Variants in TENM3 observed in about 807,000 individuals in gnomAD.
TENM3 encodes teneurin-3.
Under a neutral mutation model 255.1 loss-of-function variants are expected in TENM3, and 63 were observed. The ratio of observed to expected loss-of-function variants is 0.25; its 90% CI spans 0.20 to 0.30. The LOEUF is 0.30. TENM3 is among the 10% of genes least tolerant of loss of function. TENM3 has a pLI of 1.00. For missense variants in TENM3, 2,929 were observed against 3,461.1 expected, an observed-to-expected ratio of 0.85 and a Z score of 3.86; for synonymous variants, 1,306 against 1,322.3, an observed-to-expected ratio of 0.99 and a Z score of 0.27.
the TENM3 span, among the ~76,000 whole-genome samples, chr4:181,902,113 GCATA>G: frequency 5.4e-5 from 1 of 18,526 alleles, no homozygotes; most frequent in Non-Finnish European, 1.2e-4. Context: ...GTGCATGTGA[GCATA>G]CACACACACA....
intron 24 of TENM3, among the ~76,000 whole-genome samples, chr4:182,779,350 T>A (rs2152807096): frequency 6.6e-6 from 1 of 152,244 alleles, no homozygotes; most frequent in Admixed American, 6.5e-5. Context: ...AGAATGATGT[T>A]TTCCAATTTC....
At chr4:181,775,655 A>T in the TENM3 span, among the ~76,000 whole-genome samples, 1 of 152,338 alleles carries the variant, frequency 6.6e-6, no homozygotes, top group South Asian at 2.1e-4. Context: ...CCATAAGCAG[A>T]TGCTGAACCA....
intron 1 of TENM3, among the ~76,000 whole-genome samples, chr4:182,194,777 T>A (rs1212848586): frequency 6.6e-6 from 1 of 152,208 alleles, no homozygotes; most frequent in Non-Finnish European, 1.5e-5. Flanking sequence ...CTCACGGTCT[T>A]CCGTGTTATT....
intron 1 of TENM3, among the ~76,000 whole-genome samples, chr4:182,320,525 C>G (rs1272144484): frequency 6.6e-6 from 1 of 152,182 alleles, no homozygotes; most frequent in Non-Finnish European, 1.5e-5. Flanking sequence ...TCCTGTCTCT[C>G]ATAAAGACAC....
At chr4:182,186,986 A>C (rs544275672) in intron 1 of TENM3, among the ~76,000 whole-genome samples, 1 of 150,760 alleles carries the variant, frequency 6.6e-6, no homozygotes, top group African/African-American at 2.4e-5. Context: ...TTTTTTTAAT[A>C]GTGAAGTGAT....
At chr4:182,688,403 C>A (rs775590321) in intron 12 of TENM3, 52 bp downstream of exon 12, 24 of 1,356,958 alleles carry the variant, frequency 1.8e-5, no homozygotes, top group Non-Finnish European at 2.2e-5. Flanking sequence ...AGAAGAGCAC[C>A]GACGGTCAGC....
chr4:182,793,951 C>T lies in TENM3; in HGVS notation c.7213+66C>T. 4 of 1,398,512 alleles carry T rather than the reference C, an allele frequency of 2.9e-6. No homozygotes were observed. The highest frequency in any genetic ancestry group is 3.8e-6 in the Non-Finnish European group (4 of 1,041,210). The allele number at this position is 1,398,512 out of a possible 1,614,324, so 86.6% of individuals were successfully genotyped here. On this transcript the variant is annotated intron_variant, in intron 26 of 27. Coordinates refer to ENST00000511685, the MANE Select transcript of TENM3 (RefSeq NM_001080477.4). The surrounding 1 kb of genome is among the most constrained non-coding windows in gnomAD (Gnocchi z 5.7). The stretch of plus-strand genomic sequence containing the variant: ...ATCATTAGATTAATACACAAAATAA[C>T]TGGAAATGCTTTTTTAAAAAACTTT...
intron 3 of TENM3, among the ~76,000 whole-genome samples, chr4:182,384,362 C>A (rs1195910193): frequency 1.4e-5 from 2 of 147,650 alleles, no homozygotes; most frequent in African/African-American, 5.0e-5. Context: ...AGTACCATTA[C>A]TTTGAAAGAA....
chr4:181,986,577 C>T, the TENM3 span, among the ~76,000 whole-genome samples: 1 of 152,076 alleles, frequency 6.6e-6, no homozygotes, highest in Non-Finnish European at 1.5e-5. Context: ...ATTTTCTAAA[C>T]TTCCACTGCT....
At chr4:182,307,677 T>G (rs898177539) in intron 1 of TENM3, among the ~76,000 whole-genome samples, 2 of 152,122 alleles carry the variant, frequency 1.3e-5, no homozygotes, top group Admixed American at 1.3e-4. Context: ...TTAGATCATA[T>G]TTTCTCAACA....
At chr4:181,474,748 A>AC in the TENM3 span, among the ~76,000 whole-genome samples, 2 of 151,784 alleles carry the variant, frequency 1.3e-5, no homozygotes, top group Admixed American at 6.6e-5. Flanking sequence ...ACAAAAAAAA[A>AC]AAAAACAAAG....
chr4:181,628,259 A>G, the TENM3 span, among the ~76,000 whole-genome samples: 1 of 152,094 alleles, frequency 6.6e-6, no homozygotes, highest in Non-Finnish European at 1.5e-5. Context: ...GTAGATCGCA[A>G]ATATTTTCTC....
the TENM3 span, among the ~76,000 whole-genome samples, chr4:181,675,741 G>A: frequency 6.6e-6 from 1 of 152,028 alleles, no homozygotes; most frequent in South Asian, 2.1e-4. Context: ...TGCCGCACGA[G>A]GGGTAAACAT....
At chr4:181,885,394 C>T in the TENM3 span, among the ~76,000 whole-genome samples, 2 of 152,146 alleles carry the variant, frequency 1.3e-5, no homozygotes, top group African/African-American at 2.4e-5. Flanking sequence ...TCCCGAGTAG[C>T]TGGGATTGCA....
chr4:181,587,781 G>T, the TENM3 span, among the ~76,000 whole-genome samples: 1 of 152,188 alleles, frequency 6.6e-6, no homozygotes, highest in Non-Finnish European at 1.5e-5. Context: ...TTCCTAATCT[G>T]AGAGTGAGGA....
chr4:181,798,171 T>G, the TENM3 span, among the ~76,000 whole-genome samples: 1 of 152,084 alleles, frequency 6.6e-6, no homozygotes, highest in Non-Finnish European at 1.5e-5. Flanking sequence ...TACACACTGA[T>G]AAGTACAAGA....
chr4:182,597,219 A>G (rs1288677610), intron 3 of TENM3, among the ~76,000 whole-genome samples: 1 of 152,168 alleles, frequency 6.6e-6, no homozygotes, highest in African/African-American at 2.4e-5. Flanking sequence ...CCTGGGCAAC[A>G]TAGGGAAACC....
the TENM3 span, among the ~76,000 whole-genome samples, chr4:181,651,692 G>A: frequency 6.6e-5 from 10 of 152,076 alleles, no homozygotes; most frequent in Admixed American, 2.0e-4. Context: ...AACAAGATGC[G>A]TTACATCTAA....
At chr4:181,567,794 T>C in the TENM3 span, among the ~76,000 whole-genome samples, 3 of 152,142 alleles carry the variant, frequency 2.0e-5, no homozygotes, top group South Asian at 6.2e-4. Flanking sequence ...CATATAATAT[T>C]GGATTTAGAT....
Sources: allele counts gnomAD v4.1 joint callset (sites outside exome capture counted in the v4.1 genomes callset), GRCh38; gene constraint gnomAD v4.1.1; non-coding constraint Gnocchi (gnomAD v3.1); transcripts MANE v1.5; gene names NCBI Gene and HGNC (gene_info 2026-07-23, HGNC 2026-07-21).